LTBP1: variants seen among roughly 807,000 people sequenced by gnomAD.
LTBP1 encodes latent-transforming growth factor beta-binding protein 1.
LTBP1 carries 129 observed loss-of-function variants against 207.6 expected under a neutral mutation model. The observed-to-expected ratio is 0.62, with a 90% CI of 0.54 to 0.72. LTBP1 has a LOEUF of 0.72. Among genes scored for constraint, LTBP1 ranks in the 30% least tolerant of loss-of-function variants. The probability of loss-of-function intolerance (pLI) is 0.00; values close to 1 mark genes in which losing one functional copy is unlikely to be tolerated. For missense variants in LTBP1, 2,281 were observed against 2,217.2 expected, an observed-to-expected ratio of 1.03 and a Z score of -0.58; for synonymous variants, 963 against 833.7, an observed-to-expected ratio of 1.16 and a Z score of -2.67.
At chr2:33,230,438 A>G (rs2091719328) in intron 9 of LTBP1, among the ~76,000 whole-genome samples, 1 of 152,114 alleles carries the variant, frequency 6.6e-6, no homozygotes, top group African/African-American at 2.4e-5. Flanking sequence ...ACACACATGG[A>G]GCTCCAAAAC....
intron 4 of LTBP1, among the ~76,000 whole-genome samples, chr2:33,125,456 T>C (rs746138595): frequency 6.6e-6 from 1 of 152,010 alleles, no homozygotes; most frequent in Non-Finnish European, 1.5e-5. Flanking sequence ...TTCTCAGAAT[T>C]TGGGCCAAAA....
chr2:33,222,952 A>G (rs1236873605), intron 9 of LTBP1, among the ~76,000 whole-genome samples: 5 of 152,208 alleles, frequency 3.3e-5, no homozygotes, highest in Non-Finnish European at 7.3e-5. Flanking sequence ...ACTTGGAAAT[A>G]TGTATACATT....
chr2:33,210,257 G>A (rs2090206991), intron 7 of LTBP1, among the ~76,000 whole-genome samples: 1 of 152,162 alleles, frequency 6.6e-6, no homozygotes. Context: ...CCTTTCTGCT[G>A]TTTGTTTGAG....
At chr2:33,006,538 C>T (rs57396788) in intron 2 of LTBP1, among the ~76,000 whole-genome samples, 1 of 151,520 alleles carries the variant, frequency 6.6e-6, no homozygotes, top group African/African-American at 2.4e-5. Flanking sequence ...ACCTAGCCAC[C>T]ACACCCGGCT....
intron 31 of LTBP1, among the ~76,000 whole-genome samples, chr2:33,371,307 C>T (rs1325788858): frequency 6.6e-6 from 1 of 152,162 alleles, no homozygotes; most frequent in Non-Finnish European, 1.5e-5. Flanking sequence ...CCCATTGCAG[C>T]CCCTGACTCC....
chr2:33,363,254 A>G, intron 28 of LTBP1, 136 bp from the exon 29 acceptor site: 1 of 800,388 alleles, frequency 1.2e-6, no homozygotes, highest in South Asian at 2.0e-5. Flanking sequence ...AGAAGGTTAT[A>G]TTGCTGTTTG....
At chr2:33,014,770 G>A (rs893504668) in intron 2 of LTBP1, among the ~76,000 whole-genome samples, 1 of 152,184 alleles carries the variant, frequency 6.6e-6, no homozygotes, top group Non-Finnish European at 1.5e-5. Flanking sequence ...GAGTAGATAC[G>A]AATGTGAAAG....
chr2:33,346,921 C>G (rs2094709814), intron 25 of LTBP1, among the ~76,000 whole-genome samples: 2 of 152,052 alleles, frequency 1.3e-5, no homozygotes, highest in Non-Finnish European at 2.9e-5. Context: ...TCGAGACCAT[C>G]CTGCCTAACA....
Position 33,315,257 on chromosome 2 carries a change from C to T in LTBP1, c.3718C>T (p.Arg1240Cys), listed in dbSNP as rs375456488. ...QQGFSISADG[R>C]TCEDIDECVN... is the part of the protein sequence containing the mutation. ...GGGTTTCTCAATCTCTGCAGATGGC[C>T]GTACGTGTGAAGGTAAGATAAACCA... The change falls in exon 24 of 34, where the codon CGT becomes TGT. Residue 1240 changes from arginine to cysteine, a missense_variant. Arg to Cys is a radical substitution (Grantham distance 180). This residue lies in a region of LTBP1 where 1,671 missense variants were observed against 1,634.8 expected (regional missense o/e 1.02). Coordinates refer to ENST00000404816, the MANE Select transcript of LTBP1 (RefSeq NM_206943.4). The T allele has an allele frequency of 2.9e-5, 46 of 1,611,972 alleles. No individual in the cohort carries two copies. Among genetic ancestry groups the T allele is most frequent in the Admixed American group, 1.5e-4 (9 of 59,308 alleles).
chr2:33,250,130 A>G (rs1029655503), intron 10 of LTBP1, among the ~76,000 whole-genome samples: 1 of 152,224 alleles, frequency 6.6e-6, no homozygotes, highest in Admixed American at 6.5e-5. Context: ...GTGTGAAAAT[A>G]CTAGAGATGT....
intron 19 of LTBP1, 61 bp downstream of exon 19, chr2:33,280,219 G>A: frequency 6.5e-7 from 1 of 1,536,350 alleles, no homozygotes; most frequent in Non-Finnish European, 8.8e-7. Context: ...TTTTCTGATA[G>A]AGTGGTGTAA....
At chr2:33,373,586 T>C (rs981953186) in intron 31 of LTBP1, among the ~76,000 whole-genome samples, 3 of 152,198 alleles carry the variant, frequency 2.0e-5, no homozygotes, top group Non-Finnish European at 4.4e-5. Flanking sequence ...TTCATACTCC[T>C]TTAAATAATG....
chr2:32,965,897 G>A (rs571244519), intron 2 of LTBP1, among the ~76,000 whole-genome samples: 1 of 152,140 alleles, frequency 6.6e-6, no homozygotes, highest in Non-Finnish European at 1.5e-5. Flanking sequence ...GGTAAGAAGT[G>A]GAAACTGAAA....
intron 7 of LTBP1, among the ~76,000 whole-genome samples, chr2:33,195,020 G>A (rs1252635656): frequency 6.6e-6 from 1 of 152,204 alleles, no homozygotes; most frequent in African/African-American, 2.4e-5. Context: ...TTGGTTTACC[G>A]AAGGTTTTAA....
chr2:33,336,744 G>A (rs1316073403), intron 24 of LTBP1, among the ~76,000 whole-genome samples: 8 of 152,086 alleles, frequency 5.3e-5, no homozygotes, highest in Admixed American at 5.2e-4. Context: ...AAGGAAGAAG[G>A]AAGTCAACAA....
At chr2:33,349,857 T>C (rs2094756705) in intron 26 of LTBP1, among the ~76,000 whole-genome samples, 1 of 152,228 alleles carries the variant, frequency 6.6e-6, no homozygotes, top group African/African-American at 2.4e-5. Context: ...TTTGAGTGTA[T>C]ACCTAGGTGA....
intron 3 of LTBP1, among the ~76,000 whole-genome samples, chr2:33,063,289 A>G (rs765007023): frequency 2.4e-4 from 36 of 151,978 alleles, no homozygotes; most frequent in Admixed American, 3.9e-4. Context: ...GGTGAAAACT[A>G]TTTTCATAAT....
In LTBP1 at chr2:33,397,023, A is replaced by G. The variant is rs2095364793; in HGVS notation, c.4835-110A>G. Reference sequence around the variant, plus strand: ...TAACTTTAAGATGTCTGAAATATGTATGGACATATATGTGTCTATTTGGAA... The same window carrying G: ...TAACTTTAAGATGTCTGAAATATGTGTGGACATATATGTGTCTATTTGGAA... On this transcript the variant is annotated intron_variant, in intron 32 of 33. Transcript: ENST00000404816. The G allele has an allele frequency of 4.2e-5, 37 of 872,598 alleles. No individual in the cohort carries two copies. The South Asian group carries it at 6.9e-4, about 16-fold the overall frequency. The allele number at this position is 872,598 out of a possible 1,614,324, so 54.1% of individuals were successfully genotyped here.
At chr2:33,303,686 A>T (rs934933505) in intron 22 of LTBP1, among the ~76,000 whole-genome samples, 1 of 152,054 alleles carries the variant, frequency 6.6e-6, no homozygotes, top group Non-Finnish European at 1.5e-5. Context: ...CGTGCAACCT[A>T]GATCCCTCAC....
Sources: allele counts gnomAD v4.1 joint callset (sites outside exome capture counted in the v4.1 genomes callset), GRCh38; gene constraint gnomAD v4.1.1; regional missense constraint gnomAD v4.1.1; transcripts MANE v1.5; gene names NCBI Gene and HGNC (gene_info 2026-07-23, HGNC 2026-07-21).